The following MAP3K20 variants were observed in gnomAD, a reference collection of about 807,000 sequenced individuals.
The protein encoded by MAP3K20 is mitogen-activated protein kinase kinase kinase 20.
A neutral mutation model predicts 85.7 loss-of-function variants in MAP3K20; 40 were observed. That is an observed-to-expected ratio of 0.47 (90% CI 0.36 to 0.61). The LOEUF (loss-of-function observed/expected upper bound fraction) is 0.61. Ranked by LOEUF, MAP3K20 falls within the 20% of genes least tolerant of loss-of-function variation. The pLI is 0.00. For missense variants in MAP3K20, 817 were observed against 961.7 expected, an observed-to-expected ratio of 0.85 and a Z score of 1.99; for synonymous variants, 325 against 327.7, an observed-to-expected ratio of 0.99 and a Z score of 0.09.
At chr2:173,090,231 A>G (rs1463736053) in intron 1 of MAP3K20, among the ~76,000 whole-genome samples, 1 of 152,244 alleles carries the variant, frequency 6.6e-6, no homozygotes, top group African/African-American at 2.4e-5. Flanking sequence ...TACCTGGAGA[A>G]TAGTAAAACT....
chr2:173,124,011 C>A (rs145106457), intron 2 of MAP3K20, among the ~76,000 whole-genome samples: 4 of 152,242 alleles, frequency 2.6e-5, no homozygotes, highest in African/African-American at 9.6e-5. Context: ...CTCTTTGACT[C>A]CCAGACCTTG....
Position 173,226,733 on chromosome 2 carries a change from C to G in MAP3K20, c.988-2956C>G, listed in dbSNP as rs74379618. 3.7e-3 allele frequency: 3,625 copies of G among 985,680 alleles called. 106 individuals are homozygous for G. The African/African-American group carries it at 0.057, about 16-fold the overall frequency. 61.1% of individuals were successfully genotyped at this position (985,680 alleles called of 1,614,324 possible). ...TTATATTGTGTGCAGAATAGTATAT[C>G]TTTTAATGTCAGATATGATACACTG... is the stretch of plus-strand genomic sequence containing the variant. On this transcript the variant is annotated intron_variant, in intron 11 of 19. Coordinates refer to ENST00000375213, the MANE Select transcript of MAP3K20 (RefSeq NM_016653.3).
At chr2:173,126,794 A>C (rs1390650614) in intron 2 of MAP3K20, among the ~76,000 whole-genome samples, 1 of 152,238 alleles carries the variant, frequency 6.6e-6, no homozygotes, top group Non-Finnish European at 1.5e-5. Flanking sequence ...TATTCTAGGC[A>C]ATAAAGCTTG....
intron 1 of MAP3K20, among the ~76,000 whole-genome samples, chr2:173,076,478 A>C (rs1200923397): frequency 6.6e-6 from 1 of 152,162 alleles, no homozygotes; most frequent in African/African-American, 2.4e-5. Flanking sequence ...GCCACTTCCC[A>C]GCACTCGCTG....
chr2:173,266,640 G>A lies in MAP3K20; in HGVS notation c.2293G>A (p.Glu765Lys), dbSNP rs200470997. 8.7e-4 allele frequency: 1,404 copies of A among 1,613,758 alleles called. 13 individuals carry two copies. The African/African-American group carries it at 0.017, about 19-fold the overall frequency. Reference protein sequence around the residue: ...RASEEDSKVSEGGWTKVEYRK... With the variant: ...RASEEDSKVSKGGWTKVEYRK... Reference sequence around the variant, plus strand: ...CAGTGAAGAGGACAGCAAAGTCAGCGAAGGGGGCTGGACAAAAGTGGAATA... The same window carrying A: ...CAGTGAAGAGGACAGCAAAGTCAGCAAAGGGGGCTGGACAAAAGTGGAATA... The change falls in exon 20 of 20, where the codon GAA (glutamate) becomes AAA (lysine). Residue 765 changes from glutamate (E) to lysine (K), a missense_variant. Transcript: ENST00000375213.
intron 15 of MAP3K20, among the ~76,000 whole-genome samples, chr2:173,238,779 C>T (rs532442111): frequency 3.6e-4 from 55 of 152,130 alleles, no homozygotes; most frequent in Non-Finnish European, 5.9e-4. Flanking sequence ...TACCCTGGAG[C>T]GCTCGATCGT....
chr2:173,259,837 G>A (rs1294064536), intron 17 of MAP3K20, among the ~76,000 whole-genome samples: 2 of 152,132 alleles, frequency 1.3e-5, no homozygotes, highest in Admixed American at 6.5e-5. Flanking sequence ...GACACAGTAT[G>A]TTGTCTTGAA....
At chr2:173,255,127 A>T (rs970111445) in intron 16 of MAP3K20, among the ~76,000 whole-genome samples, 1 of 152,250 alleles carries the variant, frequency 6.6e-6, no homozygotes, top group African/African-American at 2.4e-5. Context: ...TTAAAAATAA[A>T]AGGTCTCTAA....
intron 2 of MAP3K20, among the ~76,000 whole-genome samples, chr2:173,168,131 T>A (rs1332302704): frequency 6.6e-6 from 1 of 150,726 alleles, no homozygotes; most frequent in African/African-American, 2.4e-5. Context: ...AACTTTATTA[T>A]TATTTATTAT....
chr2:173,159,196 A>G (rs149760470), intron 2 of MAP3K20, among the ~76,000 whole-genome samples: 34 of 152,160 alleles, frequency 2.2e-4, no homozygotes, highest in African/African-American at 8.0e-4. Flanking sequence ...ATTAGTTCCA[A>G]TTTGAAGCCT....
At chr2:173,099,791 A>G (rs568586292) in intron 2 of MAP3K20, among the ~76,000 whole-genome samples, 1 of 152,338 alleles carries the variant, frequency 6.6e-6, no homozygotes, top group East Asian at 1.9e-4. Flanking sequence ...CCAGTGAGAA[A>G]TTGCCACCTA....
chr2:173,195,815 C>T (rs1315368357), intron 7 of MAP3K20, among the ~76,000 whole-genome samples: 3 of 152,196 alleles, frequency 2.0e-5, no homozygotes, highest in Non-Finnish European at 2.9e-5. Flanking sequence ...GACACTTTTA[C>T]ATCCATCAAG....
chr2:173,091,014 ATACT>A lies in MAP3K20; in HGVS notation c.-16_-13del. ...TTTCTGCAGATTTTGTGGAAGTATA[ATACT>A]TTGTCATTATGAGATGTCGTCTCTC... On this transcript the variant is annotated 5_prime_UTR_variant, in exon 2 of 20. Transcript: ENST00000375213. The A allele has an allele frequency of 3.7e-6, 6 of 1,600,018 alleles. No individual in the cohort carries two copies. The highest frequency in any genetic ancestry group is 5.1e-6 in the Non-Finnish European group (6 of 1,174,920).
At chr2:173,202,011 T>G (rs974738255) in intron 8 of MAP3K20, among the ~76,000 whole-genome samples, 1 of 152,208 alleles carries the variant, frequency 6.6e-6, no homozygotes, top group African/African-American at 2.4e-5. Flanking sequence ...ACAGTTGTAC[T>G]GAAAAATGTT....
At chr2:173,233,315 C>T (rs1223894754) in intron 14 of MAP3K20, among the ~76,000 whole-genome samples, 1 of 152,224 alleles carries the variant, frequency 6.6e-6, no homozygotes, top group African/African-American at 2.4e-5. Flanking sequence ...ACAGACACCA[C>T]CATGTATGTG....
chr2:173,098,582 C>A (rs1687533381), intron 2 of MAP3K20, among the ~76,000 whole-genome samples: 1 of 152,184 alleles, frequency 6.6e-6, no homozygotes, highest in Non-Finnish European at 1.5e-5. Flanking sequence ...ATTCCAAAAT[C>A]TGATAAAATC....
intron 11 of MAP3K20, chr2:173,223,680 C>T: frequency 1.0e-6 from 1 of 985,344 alleles, no homozygotes. Context: ...TGAGACTAAA[C>T]ACAAAAACAG....
intron 9 of MAP3K20, among the ~76,000 whole-genome samples, chr2:173,204,295 A>T (rs1316660988): frequency 6.6e-6 from 1 of 152,236 alleles, no homozygotes; most frequent in East Asian, 1.9e-4. Context: ...ACAGATGAAG[A>T]ACCAAGACAT....
intron 1 of MAP3K20, among the ~76,000 whole-genome samples, chr2:173,082,340 A>G (rs1023056285): frequency 2.0e-5 from 3 of 152,094 alleles, no homozygotes; most frequent in Admixed American, 1.3e-4. Context: ...AACATAATAT[A>G]AGGTCTTAGT....
Sources: gnomAD v4.1 joint callset for allele counts (sites outside exome capture counted in the v4.1 genomes callset) on GRCh38, gnomAD v4.1.1 for gene constraint, MANE v1.5 for transcripts, NCBI Gene and HGNC (gene_info 2026-07-23, HGNC 2026-07-21) for gene names.